The following ZC3HC1 variants were observed in gnomAD, a reference collection of about 807,000 sequenced individuals.
The protein encoded by ZC3HC1 is zinc finger C3HC-type protein 1.
A neutral mutation model predicts 61.9 loss-of-function variants in ZC3HC1; 38 were observed. That is an observed-to-expected ratio of 0.61 (90% CI 0.47 to 0.81). ZC3HC1 has a LOEUF of 0.81. ZC3HC1 is among the 30% of genes least tolerant of loss of function. ZC3HC1 has a pLI of 0.00. For missense variants in ZC3HC1, 554 were observed against 622.7 expected, an observed-to-expected ratio of 0.89 and a Z score of 1.17; for synonymous variants, 213 against 229.9, an observed-to-expected ratio of 0.93 and a Z score of 0.67.
At chr7:130,031,573 G>A (rs538234116) in intron 4 of ZC3HC1, among the ~76,000 whole-genome samples, 2 of 152,232 alleles carry the variant, frequency 1.3e-5, no homozygotes, top group East Asian at 1.9e-4. Flanking sequence ...GTTGCTTTGA[G>A]GCAGCAGTAT....
At chr7:130,040,156 T>C (rs1563082797) in intron 3 of ZC3HC1, among the ~76,000 whole-genome samples, 1 of 123,108 alleles carries the variant, frequency 8.1e-6, no homozygotes, top group African/African-American at 3.2e-5. Context: ...TTAAGTCAAG[T>C]CCATGCTGCA....
At chr7:130,048,965 G>A (rs1794969422) in intron 2 of ZC3HC1, 68 bp downstream of exon 2, 1 of 1,219,750 alleles carries the variant, frequency 8.2e-7, no homozygotes, top group Admixed American at 2.3e-5. Flanking sequence ...ACAGTAAGTG[G>A]TGTAATACCT....
intron 1 of ZC3HC1, 147 bp downstream of exon 1, chr7:130,051,074 T>C (rs1438655422): frequency 4.4e-6 from 5 of 1,130,116 alleles, no homozygotes; most frequent in East Asian, 5.5e-5. Context: ...CGATCAAACA[T>C]AGTAACCAGA....
At chr7:130,030,910 C>T (rs13308821) in intron 4 of ZC3HC1, among the ~76,000 whole-genome samples, 40 of 151,620 alleles carry the variant, frequency 2.6e-4, no homozygotes, top group African/African-American at 7.0e-4. Context: ...CCTCATGATC[C>T]GCCTGCCTCG....
intron 1 of ZC3HC1, among the ~76,000 whole-genome samples, chr7:130,050,100 C>T (rs758650914): frequency 6.6e-6 from 1 of 151,788 alleles, no homozygotes; most frequent in African/African-American, 2.4e-5. Flanking sequence ...TATTTAGAGA[C>T]GGAGTCTCAC....
chr7:130,018,824 G>A, intron 9 of ZC3HC1, 92 bp from the exon 10 acceptor site: 2 of 1,124,690 alleles, frequency 1.8e-6, no homozygotes, highest in East Asian at 2.4e-5. Flanking sequence ...GATATGTCTA[G>A]GACTAAGTAA....
At chr7:130,043,219 G>A (rs756842674) in intron 2 of ZC3HC1, among the ~76,000 whole-genome samples, 35 of 152,166 alleles carry the variant, frequency 2.3e-4, no homozygotes, top group Middle Eastern at 3.4e-3. Flanking sequence ...GGAGGTTGCA[G>A]TGAGCTGAGA....
intron 5 of ZC3HC1, among the ~76,000 whole-genome samples, chr7:130,027,644 G>A (rs925407614): frequency 2.6e-5 from 4 of 151,784 alleles, no homozygotes; most frequent in Admixed American, 2.6e-4. Flanking sequence ...CAGCCTCCCA[G>A]GTAGCTGGGA....
chr7:130,031,324 C>CAA lies in ZC3HC1; in HGVS notation c.494-2297_494-2296dup, dbSNP rs71956602. Among the ~76,000 whole-genome samples, 439 of 111,062 alleles carry CAA rather than the reference C, an allele frequency of 4.0e-3. 4 individuals are homozygous for CAA. Among genetic ancestry groups the CAA allele is most frequent in the East Asian group, 6.8e-3 (26 of 3,822 alleles). The allele number at this position is 111,062 out of a possible 152,430, so 72.9% of individuals were successfully genotyped here. A position where few individuals can be genotyped will look rare whatever the true frequency, so the allele number is the denominator to read the frequency against. On this transcript the variant is annotated intron_variant, in intron 4 of 9. Coordinates refer to ENST00000358303, the MANE Select transcript of ZC3HC1 (RefSeq NM_016478.5). ...TGGGCAACAGAGCAAAACTCCATCT[C>CAA]AAAAAAAAAAAAAAAAAACAGAAAA...
intron 2 of ZC3HC1, among the ~76,000 whole-genome samples, chr7:130,046,676 T>C (rs938859060): frequency 6.6e-6 from 1 of 152,126 alleles, no homozygotes; most frequent in Non-Finnish European, 1.5e-5. Context: ...GTCAGGCATA[T>C]AGCACACTAG....
Position 130,051,358 on chromosome 7 carries a change from C to A in ZC3HC1, c.9G>T (p.Ala3=). The A allele has an allele frequency of 1.9e-6, 3 of 1,612,712 alleles. No homozygotes were observed. The highest frequency in any genetic ancestry group is 2.5e-6 in the Non-Finnish European group (3 of 1,179,310). The stretch of plus-strand genomic sequence containing the variant: ...CGGCAAACGCTTGTCCCTCACAGGG[C>A]GCCGCCATCTTGGTCCGCTGCCGAG... MA[A]PCEGQAFAVG... Residue 3 remains alanine, a synonymous_variant, in exon 1 of 10, where the codon GCG becomes GCT. Coordinates refer to ENST00000358303, the MANE Select transcript of ZC3HC1 (RefSeq NM_016478.5).
At position 130,039,525 on chromosome 7, in the gene ZC3HC1, C is replaced by T. The variant is rs963256647; in HGVS notation, c.432G>A (p.Leu144=). The change falls in exon 4 of 10, where the codon CTG becomes CTA. Residue 144 remains leucine (L), a synonymous_variant. Coordinates refer to ENST00000358303, the MANE Select transcript of ZC3HC1 (RefSeq NM_016478.5). ...FDRYKQRCAE[L]KKALCTAHEK... is the part of the protein sequence containing the mutation. ...CATGGGCAGTACACAAGGCTTTCTT[C>T]AGCTCAGCACATCGTTGCTTATCTG... 1 of 1,612,032 alleles carries T rather than the reference C, an allele frequency of 6.2e-7. No homozygotes were observed. The highest frequency in any genetic ancestry group is 8.5e-7 in the Non-Finnish European group (1 of 1,179,478).
intron 4 of ZC3HC1, among the ~76,000 whole-genome samples, chr7:130,035,969 G>A (rs982031024): frequency 1.3e-5 from 2 of 152,196 alleles, no homozygotes; most frequent in East Asian, 3.8e-4. Context: ...AGCAATGGGT[G>A]TTCTGTGATG....
At chr7:130,032,256 T>C (rs1287081479) in intron 4 of ZC3HC1, among the ~76,000 whole-genome samples, 1 of 151,824 alleles carries the variant, frequency 6.6e-6, no homozygotes, top group African/African-American at 2.4e-5. Flanking sequence ...ATTTTGATAA[T>C]TTTTGTAAGT....
intron 9 of ZC3HC1, among the ~76,000 whole-genome samples, chr7:130,020,244 C>T (rs1430707852): frequency 6.6e-6 from 1 of 150,782 alleles, no homozygotes; most frequent in Non-Finnish European, 1.5e-5. Context: ...TGAAAGAAAC[C>T]TGAGTTGAAA....
intron 3 of ZC3HC1, among the ~76,000 whole-genome samples, chr7:130,040,142 T>G (rs994948513): frequency 7.3e-6 from 1 of 136,496 alleles, no homozygotes; most frequent in African/African-American, 2.8e-5. Context: ...TTACCTAGAT[T>G]ACATTAAGTC....
In ZC3HC1 at chr7:130,022,398, G is replaced by A. The variant is rs540254618; in HGVS notation, c.1361C>T (p.Ala454Val). The A allele has an allele frequency of 1.2e-6, 2 of 1,613,410 alleles. No individual in the cohort carries two copies. Among genetic ancestry groups the A allele is most frequent in the Non-Finnish European group, 1.7e-6 (2 of 1,179,676 alleles). Residue 454 changes from alanine (A) to valine (V), a missense_variant, in exon 9 of 10, where the codon GCA becomes GTA. By Grantham distance (64) the Ala-to-Val change is moderately conservative. Transcript: ENST00000358303. Reference protein sequence around the residue: ...GGTEPDASAPAEPGWKAVLTI... With the variant: ...GGTEPDASAPVEPGWKAVLTI... Reference sequence around the variant, plus strand: ...CAGCACTGCTTTCCAGCCTGGCTCTGCTGGGGCGCTGGCATCTGGTTCAGT... The same window carrying A: ...CAGCACTGCTTTCCAGCCTGGCTCTACTGGGGCGCTGGCATCTGGTTCAGT...
At chr7:130,030,320 C>T (rs1423153713) in intron 4 of ZC3HC1, among the ~76,000 whole-genome samples, 1 of 151,746 alleles carries the variant, frequency 6.6e-6, no homozygotes, top group Non-Finnish European at 1.5e-5. Context: ...CTGCCTCAGC[C>T]TCCTGAGTAG....
intron 4 of ZC3HC1, among the ~76,000 whole-genome samples, chr7:130,030,036 T>C (rs1001846116): frequency 1.3e-5 from 2 of 152,156 alleles, no homozygotes; most frequent in Non-Finnish European, 2.9e-5. Context: ...GATTATATAC[T>C]ATAGTATAAT....
Sources: gnomAD v4.1 joint callset for allele counts (sites outside exome capture counted in the v4.1 genomes callset) on GRCh38, gnomAD v4.1.1 for gene constraint, MANE v1.5 for transcripts, NCBI Gene and HGNC (gene_info 2026-07-23, HGNC 2026-07-21) for gene names.